The following PCNX1 variants were observed in gnomAD, a reference collection of about 807,000 sequenced individuals.
PCNX1 encodes pecanex 1, also known as pecanex-like protein 1.
Under a neutral mutation model 242.2 loss-of-function variants are expected in PCNX1, and 78 were observed. The observed-to-expected ratio is 0.32, with a 90% CI of 0.27 to 0.39. The LOEUF is 0.39. Among genes scored for constraint, PCNX1 ranks in the 10% least tolerant of loss-of-function variants. The probability of loss-of-function intolerance (pLI) is 1.00; values close to 1 mark genes in which losing one functional copy is unlikely to be tolerated. For synonymous variants in PCNX1, 1,024 were observed against 1,032.9 expected (o/e 0.99, Z 0.17); for missense variants, 2,581 against 2,856.5 (o/e 0.90, Z 2.20).
intron 24 of PCNX1, among the ~76,000 whole-genome samples, chr14:71,052,432 C>G (rs772150948): frequency 5.3e-5 from 8 of 152,078 alleles, no homozygotes; most frequent in Non-Finnish European, 1.0e-4. Context: ...ATACTGCTCT[C>G]AAACTCTTGA....
At chr14:70,950,330 A>G (rs1219902508) in intron 2 of PCNX1, among the ~76,000 whole-genome samples, 1 of 152,168 alleles carries the variant, frequency 6.6e-6, no homozygotes, top group Non-Finnish European at 1.5e-5. Context: ...AAATATTTGA[A>G]GTAGTGAAAA....
intron 34 of PCNX1, 34 bp downstream of exon 34, chr14:71,109,080 T>C (rs1320336180): frequency 5.8e-5 from 87 of 1,508,090 alleles, no homozygotes; most frequent in Non-Finnish European, 7.0e-5. Context: ...TGTGCTGTTT[T>C]TGTTACTTAT....
intron 19 of PCNX1, among the ~76,000 whole-genome samples, chr14:71,042,865 TAAAA>T (rs375732843): frequency 6.6e-6 from 1 of 152,084 alleles, no homozygotes; most frequent in African/African-American, 2.4e-5. Flanking sequence ...ACATTTGACT[TAAAA>T]AAATCATTTG....
chr14:71,075,248 C>T (rs1045401911), intron 27 of PCNX1, among the ~76,000 whole-genome samples: 4 of 152,044 alleles, frequency 2.6e-5, no homozygotes, highest in African/African-American at 7.2e-5. Context: ...ACACTGGCCT[C>T]CCAAAGTGCT....
chr14:71,082,920 T>G (rs1221058897), intron 28 of PCNX1, among the ~76,000 whole-genome samples: 2 of 152,230 alleles, frequency 1.3e-5, no homozygotes, highest in African/African-American at 4.8e-5. Flanking sequence ...GCCCATTAGT[T>G]GATGCAGTTT....
intron 8 of PCNX1, among the ~76,000 whole-genome samples, chr14:71,003,120 G>A (rs1244428702): frequency 9.7e-6 from 1 of 103,016 alleles, no homozygotes; most frequent in Non-Finnish European, 1.7e-5. Context: ...TCTCACTCTT[G>A]TTGTCCAGCC....
At chr14:70,984,187 G>A (rs755088637) in intron 6 of PCNX1, among the ~76,000 whole-genome samples, 3 of 150,664 alleles carry the variant, frequency 2.0e-5, no homozygotes, top group Non-Finnish European at 4.5e-5. Flanking sequence ...TTATTTTCGT[G>A]ATCTTTCCAG....
chr14:71,095,780 C>T (rs1410767690), intron 30 of PCNX1, among the ~76,000 whole-genome samples: 2 of 152,116 alleles, frequency 1.3e-5, no homozygotes, highest in African/African-American at 4.8e-5. Flanking sequence ...CATATTTATT[C>T]AACCATTTTA....
chr14:71,039,142 C>T (rs1224789740), intron 19 of PCNX1, among the ~76,000 whole-genome samples: 1 of 151,726 alleles, frequency 6.6e-6, no homozygotes, highest in Non-Finnish European at 1.5e-5. Flanking sequence ...TTAATGGGTA[C>T]AGCACACCAG....
intron 3 of PCNX1, among the ~76,000 whole-genome samples, chr14:70,966,649 A>G (rs1295394266): frequency 6.6e-6 from 1 of 152,208 alleles, no homozygotes; most frequent in East Asian, 1.9e-4. Context: ...TTTTGGAACA[A>G]AATAGGGAGA....
chr14:70,908,677 C>G (rs73289993), intron 1 of PCNX1, among the ~76,000 whole-genome samples: 5,288 of 152,192 alleles, frequency 0.035, 283 homozygotes, highest in African/African-American at 0.12. Context: ...GCCCCGTGGC[C>G]GGTGGCCGTG....
intron 22 of PCNX1, among the ~76,000 whole-genome samples, chr14:71,049,592 CATT>C (rs928468162): frequency 6.6e-6 from 1 of 152,042 alleles, no homozygotes; most frequent in Admixed American, 6.5e-5. Context: ...GCTTTTAAGT[CATT>C]ATAATGGCAT....
intron 15 of PCNX1, among the ~76,000 whole-genome samples, chr14:71,027,957 G>T (rs570349888): frequency 6.6e-6 from 1 of 151,826 alleles, no homozygotes; most frequent in East Asian, 1.9e-4. Flanking sequence ...ACAAACTTAT[G>T]CAAGGTATTA....
At chr14:71,105,084 GT>G (rs1294837904) in intron 32 of PCNX1, 150 bp from the exon 33 acceptor site, 3 of 632,280 alleles carry the variant, frequency 4.7e-6, no homozygotes, top group Non-Finnish European at 2.8e-6. Context: ...AACGTAATGA[GT>G]TTTTTTGTTC....
intron 2 of PCNX1, among the ~76,000 whole-genome samples, chr14:70,947,993 T>C (rs1342773841): frequency 6.6e-6 from 1 of 152,136 alleles, no homozygotes; most frequent in Non-Finnish European, 1.5e-5. Flanking sequence ...GCCCCCAGGC[T>C]TGTTAGGATT....
At position 71,071,404 on chromosome 14, in the gene PCNX1, G is replaced by A. The variant is rs1294311985; in HGVS notation, c.4853-2141G>A. 2.6e-5 allele frequency among the ~76,000 whole-genome samples: 4 copies of A among 152,246 alleles called. No homozygotes were observed. The East Asian group carries it at 5.8e-4, about 22-fold the overall frequency. On this transcript the variant is annotated intron_variant, in intron 26 of 35. Coordinates refer to ENST00000304743, the MANE Select transcript of PCNX1 (RefSeq NM_014982.3). ...TGATACGGTTTGGATTTGTGTCCCT[G>A]CCCAAATCTCATGTTGAATTGTAAT... is the stretch of plus-strand genomic sequence containing the variant.
At chr14:70,980,892 A>G (rs577609927) in intron 6 of PCNX1, among the ~76,000 whole-genome samples, 12 of 152,260 alleles carry the variant, frequency 7.9e-5, no homozygotes, top group African/African-American at 2.9e-4. Context: ...TTTATCCTAA[A>G]GAATATGAAG....
At chr14:71,098,910 C>T (rs12432587) in intron 30 of PCNX1, among the ~76,000 whole-genome samples, 22,447 of 151,970 alleles carry the variant, frequency 0.15, 2,029 homozygotes, top group African/African-American at 0.25. Flanking sequence ...CAGCTTTTCC[C>T]CATTCAGTAT....
chr14:70,994,412 T>C (rs1051144590), intron 7 of PCNX1, among the ~76,000 whole-genome samples: 2 of 128,018 alleles, frequency 1.6e-5, no homozygotes, highest in East Asian at 4.3e-4. Flanking sequence ...TATATATATA[T>C]ATATATATAT....
Sources: allele counts gnomAD v4.1 joint callset (sites outside exome capture counted in the v4.1 genomes callset), GRCh38; gene constraint gnomAD v4.1.1; transcripts MANE v1.5; gene names NCBI Gene and HGNC (gene_info 2026-07-23, HGNC 2026-07-21).